The following MED13L variants were observed in gnomAD, a reference collection of about 807,000 sequenced individuals.
MED13L encodes mediator complex subunit 13L.
A neutral mutation model predicts 220.9 loss-of-function variants in MED13L; 7 were observed. The observed-to-expected ratio is 0.03, with a 90% CI of 0.02 to 0.06. The LOEUF is 0.06. Ranked by LOEUF, MED13L falls within the 10% of genes least tolerant of loss-of-function variation. MED13L has a pLI of 1.00. For synonymous variants in MED13L, 1,011 were observed against 1,015.2 expected (o/e 1.00, Z 0.08); for missense variants, 1,965 against 2,760.5 (o/e 0.71, Z 6.46).
chr12:116,213,962 A>G (rs1396060924), intron 2 of MED13L, among the ~76,000 whole-genome samples: 1 of 152,210 alleles, frequency 6.6e-6, no homozygotes, highest in African/African-American at 2.4e-5. Context: ...TCCATCTTGT[A>G]TAGATTTCCC....
intron 23 of MED13L, 171 bp downstream of exon 23, chr12:115,980,579 C>T (rs1176159412): frequency 1.4e-6 from 1 of 718,202 alleles, no homozygotes; most frequent in Non-Finnish European, 2.4e-6. Flanking sequence ...CCACCTCAGC[C>T]TCCGAAAGTG....
At chr12:116,156,402 T>TAAAAAAAAAA (rs11366103) in intron 2 of MED13L, among the ~76,000 whole-genome samples, 117 of 119,412 alleles carry the variant, frequency 9.8e-4, no homozygotes, top group South Asian at 1.7e-3. Flanking sequence ...TCCAATTACT[T>TAAAAAAAAAA]AAAAAAAAAA....
chr12:116,131,425 A>T (rs1170434703), intron 2 of MED13L, among the ~76,000 whole-genome samples: 1 of 152,180 alleles, frequency 6.6e-6, no homozygotes, highest in African/African-American at 2.4e-5. Flanking sequence ...AAGTATGCTT[A>T]CTTCTCTTTG....
intron 14 of MED13L, 95 bp from the exon 15 acceptor site, chr12:115,997,325 T>C (rs1280555799): frequency 3.3e-5 from 31 of 949,998 alleles, no homozygotes; most frequent in Middle Eastern, 3.1e-4. Flanking sequence ...CCAAAAATAG[T>C]GCTAATTAAA....
intron 5 of MED13L, 65 bp from the exon 6 acceptor site, chr12:116,020,037 T>G (rs899281539): frequency 1.4e-6 from 2 of 1,389,390 alleles, no homozygotes; most frequent in South Asian, 1.2e-5. Context: ...AGTGCAACAC[T>G]ACATATGTGG....
chr12:116,158,905 C>G (rs1878649289), intron 2 of MED13L, among the ~76,000 whole-genome samples: 1 of 152,138 alleles, frequency 6.6e-6, no homozygotes, highest in South Asian at 2.1e-4. Context: ...AGCAGTTCAA[C>G]TGTATTTAGA....
chr12:116,043,743 C>A (rs905410832), intron 4 of MED13L, among the ~76,000 whole-genome samples: 3 of 152,100 alleles, frequency 2.0e-5, no homozygotes, highest in East Asian at 3.9e-4. Flanking sequence ...TCAATCCATA[C>A]CCCTACGCAC....
At chr12:116,105,752 A>G (rs972273526) in intron 3 of MED13L, among the ~76,000 whole-genome samples, 3 of 152,218 alleles carry the variant, frequency 2.0e-5, no homozygotes, top group Non-Finnish European at 2.9e-5. Context: ...CTTTTCCCAA[A>G]GGTATACTAT....
intron 4 of MED13L, among the ~76,000 whole-genome samples, chr12:116,042,801 T>G (rs1881614082): frequency 6.6e-6 from 1 of 152,210 alleles, no homozygotes; most frequent in Non-Finnish European, 1.5e-5. Flanking sequence ...ACTGAAGTAT[T>G]AGCCTATGAG....
intron 2 of MED13L, among the ~76,000 whole-genome samples, chr12:116,137,468 T>TCTGCTTTGTAACACCAGTATTAAA (rs1290470902): frequency 6.6e-6 from 1 of 152,160 alleles, no homozygotes; most frequent in Non-Finnish European, 1.5e-5. Flanking sequence ...AAAACTCTGG[T>TCTGCTTTGTAACACCAGTATTAAA]CTGCTTTGTA....
At chr12:116,006,536 G>A (rs536241198) in intron 11 of MED13L, 125 bp from the exon 12 acceptor site, 5 of 792,022 alleles carry the variant, frequency 6.3e-6, no homozygotes, top group South Asian at 1.4e-5. Context: ...GATAAACCAT[G>A]GTCTATGCAA....
At chr12:116,117,305 G>A (rs1874612587) in intron 2 of MED13L, among the ~76,000 whole-genome samples, 1 of 152,122 alleles carries the variant, frequency 6.6e-6, no homozygotes, top group Admixed American at 6.6e-5. Flanking sequence ...TGATACCAAA[G>A]GGACACCGGA....
chr12:116,274,963 T>C (rs902524493), intron 1 of MED13L, among the ~76,000 whole-genome samples: 2 of 150,922 alleles, frequency 1.3e-5, no homozygotes, highest in African/African-American at 4.9e-5. Flanking sequence ...ATTTTATCTC[T>C]GTAACGTTAT....
At chr12:116,111,641 C>T (rs900156667) in intron 2 of MED13L, 129 bp from the exon 3 acceptor site, 19 of 706,664 alleles carry the variant, frequency 2.7e-5, no homozygotes, top group African/African-American at 1.8e-4. Flanking sequence ...TAATCTCACG[C>T]TGAAACAGAG....
intron 2 of MED13L, among the ~76,000 whole-genome samples, chr12:116,218,893 C>T (rs912095799): frequency 1.3e-5 from 2 of 152,110 alleles, no homozygotes; most frequent in African/African-American, 4.8e-5. Flanking sequence ...GCCACCACAC[C>T]TGGCTAATTT....
intron 4 of MED13L, among the ~76,000 whole-genome samples, chr12:116,063,853 C>A (rs946027472): frequency 6.6e-6 from 1 of 152,094 alleles, no homozygotes; most frequent in Non-Finnish European, 1.5e-5. Flanking sequence ...GGCCCCCACA[C>A]AGATACCAAA....
intron 2 of MED13L, among the ~76,000 whole-genome samples, chr12:116,116,364 A>C (rs1874519583): frequency 6.6e-6 from 1 of 152,166 alleles, no homozygotes. Flanking sequence ...AAACCCAAAA[A>C]GACTGAGTTC....
intron 4 of MED13L, among the ~76,000 whole-genome samples, chr12:116,059,958 C>A (rs976113467): frequency 2.0e-5 from 3 of 151,978 alleles, no homozygotes; most frequent in African/African-American, 7.2e-5. Flanking sequence ...AGAAACAAAA[C>A]AAATCACTGT....
chr12:116,170,441 TAAG>T (rs1879587409), intron 2 of MED13L, among the ~76,000 whole-genome samples: 1 of 152,076 alleles, frequency 6.6e-6, no homozygotes, highest in African/African-American at 2.4e-5. Flanking sequence ...TGCTCCATCT[TAAG>T]AAGTAGCTGG....
Sources: gnomAD v4.1 joint callset for allele counts (sites outside exome capture counted in the v4.1 genomes callset) on GRCh38, gnomAD v4.1.1 for gene constraint, MANE v1.5 for transcripts, NCBI Gene and HGNC (gene_info 2026-07-23, HGNC 2026-07-21) for gene names.